WSCD1: variants seen among roughly 807,000 people sequenced by gnomAD.
The protein encoded by WSCD1 is sialate:O-sulfotransferase 1.
In WSCD1, 41 loss-of-function variants were observed where a neutral mutation model predicts 60.4. The ratio of observed to expected loss-of-function variants is 0.68; its 90% CI spans 0.53 to 0.88. The LOEUF (loss-of-function observed/expected upper bound fraction) is 0.88, where lower values mean the gene tolerates loss of function less well. Ranked by LOEUF, WSCD1 falls within the 40% of genes least tolerant of loss-of-function variation. The pLI is 0.00. For synonymous variants in WSCD1, 361 were observed against 332.5 expected (o/e 1.09, Z -0.93); for missense variants, 784 against 796.2 (o/e 0.98, Z 0.18).
intron 2 of WSCD1, among the ~76,000 whole-genome samples, chr17:6,086,277 T>TATA (rs1330403649): frequency 5.0e-5 from 4 of 80,528 alleles, no homozygotes; most frequent in South Asian, 3.6e-4. Context: ...ATATATATAC[T>TATA]TATGTACTTC....
intron 5 of WSCD1, among the ~76,000 whole-genome samples, chr17:6,109,164 G>T (rs1911263853): frequency 1.3e-5 from 2 of 152,148 alleles, no homozygotes; most frequent in African/African-American, 4.8e-5. Context: ...TAAGTCAGCT[G>T]ATCTGCCCCG....
chr17:6,118,051 G>T lies in WSCD1; in HGVS notation c.1238G>T (p.Ser413Ile), dbSNP rs1440023959. 6.2e-7 allele frequency: 1 copy of T among 1,614,226 alleles called. No homozygotes were observed. Among genetic ancestry groups the T allele is most frequent in the East Asian group, 2.2e-5 (1 of 44,882 alleles). ...RRTICVKTHE[S>I]GRREIEMFDS... ...ACCATCTGTGTCAAAACCCACGAGA[G>T]TGGCAGGAGGGAGATTGAGATGTTT... Residue 413 changes from serine to isoleucine, a missense_variant, in exon 8 of 9, where the codon AGT becomes ATT. Coordinates refer to ENST00000317744, the MANE Select transcript of WSCD1 (RefSeq NM_015253.2). The surrounding 1 kb of genome is among the most constrained non-coding windows in gnomAD (Gnocchi z 5.8).
intron 8 of WSCD1, 26 bp from the exon 9 acceptor site, chr17:6,120,283 C>G (rs1396348029): frequency 6.2e-7 from 1 of 1,600,128 alleles, no homozygotes; most frequent in South Asian, 1.1e-5. Flanking sequence ...GCCCCCGACT[C>G]TGCATCTCTC....
intron 4 of WSCD1, among the ~76,000 whole-genome samples, chr17:6,094,838 G>A (rs80017140): frequency 3.3e-3 from 493 of 149,842 alleles, no homozygotes; most frequent in African/African-American, 7.3e-3. Context: ...ATGGAGAACT[G>A]GCAGAAGCAA....
In WSCD1 at chr17:6,122,988, C is replaced by T. The variant is rs964536950; in HGVS notation, c.*2327C>T. 1.0e-4 allele frequency: 16 copies of T among 152,390 alleles called. No individual in the cohort carries two copies. The highest frequency in any genetic ancestry group is 6.5e-4 in the Admixed American group (10 of 15,308). 9.4% of individuals were successfully genotyped at this position (152,390 alleles called of 1,614,324 possible). Reference sequence around the variant, plus strand: ...GGCCCTGTCAGCTGGCAGTGGTCCTCACAGCCTTCATCCCAGGTCTGCCTA... The same window carrying T: ...GGCCCTGTCAGCTGGCAGTGGTCCTTACAGCCTTCATCCCAGGTCTGCCTA... On this transcript the variant is annotated 3_prime_UTR_variant, in exon 9 of 9. Transcript: ENST00000317744.
chr17:6,117,497 G>A (rs758773259), intron 7 of WSCD1, among the ~76,000 whole-genome samples: 3 of 152,230 alleles, frequency 2.0e-5, no homozygotes, highest in Admixed American at 6.5e-5. Flanking sequence ...AGAGACACAC[G>A]GTGGCATGTG....
At chr17:6,109,249 C>A (rs998519388) in intron 5 of WSCD1, among the ~76,000 whole-genome samples, 1 of 152,200 alleles carries the variant, frequency 6.6e-6, no homozygotes, top group African/African-American at 2.4e-5. Flanking sequence ...GCACTCCTGA[C>A]AAATGCCTTG....
intron 1 of WSCD1, among the ~76,000 whole-genome samples, chr17:6,070,874 G>T (rs954715386): frequency 6.6e-6 from 1 of 151,044 alleles, no homozygotes; most frequent in Non-Finnish European, 1.5e-5. Context: ...AGGGGTTGTG[G>T]GGGGGCGGGG....
At chr17:6,082,487 G>A (rs550924108) in intron 2 of WSCD1, among the ~76,000 whole-genome samples, 5 of 152,198 alleles carry the variant, frequency 3.3e-5, no homozygotes, top group Non-Finnish European at 7.3e-5. Context: ...CACACTGCTG[G>A]ATGCCAGCGT....
rs370254425 is a variant in WSCD1 at position 6,124,051 on chromosome 17, G to A, written c.*3390G>A. 6.6e-6 allele frequency: 1 copy of A among 152,180 alleles called. No homozygotes were observed. Among genetic ancestry groups the A allele is most frequent in the East Asian group, 1.9e-4 (1 of 5,188 alleles). The allele number at this position is 152,180 out of a possible 1,614,324, so 9.4% of individuals were successfully genotyped here. A position where few individuals can be genotyped will look rare whatever the true frequency, so the allele number is the denominator to read the frequency against. Reference sequence around the variant, plus strand: ...GAGCCTCTCCAGGGGTGGAATACATGTCCTGGACTAAGCCAATGACACCTT... The same window carrying A: ...GAGCCTCTCCAGGGGTGGAATACATATCCTGGACTAAGCCAATGACACCTT... On this transcript the variant is annotated 3_prime_UTR_variant, in exon 9 of 9. Transcript: ENST00000317744.
chr17:6,105,578 G>C (rs188364839), intron 5 of WSCD1, among the ~76,000 whole-genome samples: 4 of 152,160 alleles, frequency 2.6e-5, no homozygotes, highest in Non-Finnish European at 4.4e-5. Flanking sequence ...TTGCTGGAGC[G>C]GTGATGTTGT....
In WSCD1 at chr17:6,120,979, G is replaced by T. The variant is rs572236678; in HGVS notation, c.*318G>T. 6 of 380,420 alleles carry T rather than the reference G, an allele frequency of 1.6e-5. No individual in the cohort carries two copies. The South Asian group carries it at 2.0e-4, about 13-fold the overall frequency. The allele number at this position is 380,420 out of a possible 1,614,324, so 23.6% of individuals were successfully genotyped here. A position where few individuals can be genotyped will look rare whatever the true frequency, so the allele number is the denominator to read the frequency against. Reference sequence around the variant, plus strand: ...CCAGGCACCCCCAGATACAAATGCAGCCACGCACAGACGTAACACACAGGT... The same window carrying T: ...CCAGGCACCCCCAGATACAAATGCATCCACGCACAGACGTAACACACAGGT... On this transcript the variant is annotated 3_prime_UTR_variant, in exon 9 of 9. Transcript: ENST00000317744.
chr17:6,092,707 C>T (rs1910138808), intron 4 of WSCD1, among the ~76,000 whole-genome samples: 2 of 152,098 alleles, frequency 1.3e-5, no homozygotes, highest in African/African-American at 4.8e-5. Flanking sequence ...TATATGGACT[C>T]CCGGCGGCCC....
intron 3 of WSCD1, 37 bp from the exon 4 acceptor site, chr17:6,090,284 G>T: frequency 6.6e-7 from 1 of 1,520,352 alleles, no homozygotes; most frequent in East Asian, 2.5e-5. Context: ...CTAGCTCTGG[G>T]CCAAGGTCCG....
chr17:6,110,749 G>A lies in WSCD1; in HGVS notation c.1010-22G>A, dbSNP rs749966064. 2.9e-5 allele frequency: 47 copies of A among 1,597,406 alleles called. No homozygotes were observed. Among genetic ancestry groups the A allele is most frequent in the Non-Finnish European group, 3.6e-5 (42 of 1,167,692 alleles). On this transcript the variant is annotated intron_variant, in intron 6 of 8. Transcript: ENST00000317744. The surrounding 1 kb of genome is among the most constrained non-coding windows in gnomAD (Gnocchi z 4.8). ...AGTCATAATGGAAGTGAGTAACCCC[G>A]TGATGACTTTTGGACTTTCAGACAC... is the stretch of plus-strand genomic sequence containing the variant.
In WSCD1 at chr17:6,075,879, G is replaced by T. The variant is rs1194887105; in HGVS notation, c.-288-4492G>T. ...AAAAATTCTCCAGACTTTCAGAGGGGAGGGGCCCCAGGCTGCCTCCCAGTC... is the reference window on the plus strand; with the variant it reads ...AAAAATTCTCCAGACTTTCAGAGGGTAGGGGCCCCAGGCTGCCTCCCAGTC... On this transcript the variant is annotated intron_variant, in intron 1 of 8. Coordinates refer to ENST00000317744, the MANE Select transcript of WSCD1 (RefSeq NM_015253.2). This position sits in a 1 kb window ranked among gnomAD's most constrained non-coding sequence, Gnocchi z 4.1. 1.3e-5 allele frequency among the ~76,000 whole-genome samples: 2 copies of T among 152,230 alleles called. No individual in the cohort carries two copies. Among genetic ancestry groups the T allele is most frequent in the East Asian group, 3.9e-4 (2 of 5,152 alleles).
intron 3 of WSCD1, among the ~76,000 whole-genome samples, chr17:6,089,220 A>G (rs1909863881): frequency 6.6e-6 from 1 of 152,348 alleles, no homozygotes; most frequent in African/African-American, 2.4e-5. Flanking sequence ...TGGTCTAGAT[A>G]CGGTGGAAAC....
chr17:6,081,186 C>G, intron 2 of WSCD1, 101 bp downstream of exon 2: 1 of 1,311,738 alleles, frequency 7.6e-7, no homozygotes, highest in Non-Finnish European at 1.0e-6. Flanking sequence ...TGGCCTTCAC[C>G]GCTAGATGGT....
chr17:6,102,567 G>T (rs568552356), intron 5 of WSCD1, among the ~76,000 whole-genome samples: 8 of 152,300 alleles, frequency 5.3e-5, no homozygotes, highest in African/African-American at 1.9e-4. Flanking sequence ...CTATTTTAGA[G>T]AATTTGAAAA....
Sources: gnomAD v4.1 joint callset for allele counts (sites outside exome capture counted in the v4.1 genomes callset) on GRCh38, gnomAD v4.1.1 for gene constraint, Gnocchi (gnomAD v3.1) non-coding constraint, MANE v1.5 for transcripts, NCBI Gene and HGNC (gene_info 2026-07-23, HGNC 2026-07-21) for gene names.